KANSL2: variants seen among roughly 807,000 people sequenced by gnomAD.
The protein encoded by KANSL2 is NSL complex protein NSL2.
In KANSL2, 34 loss-of-function variants were observed where a neutral mutation model predicts 55.6. That is an observed-to-expected ratio of 0.61 (90% CI 0.46 to 0.81). The LOEUF (loss-of-function observed/expected upper bound fraction) is 0.81. Among genes scored for constraint, KANSL2 ranks in the 40% least tolerant of loss-of-function variants. The pLI is 0.00. For missense variants in KANSL2, 502 were observed against 609.9 expected (o/e 0.82, Z 1.86); for synonymous variants, 209 against 214.3 (o/e 0.98, Z 0.22).
intron 1 of KANSL2, 86 bp downstream of exon 1, chr12:48,682,101 G>A (rs776534668): frequency 1.4e-5 from 10 of 702,904 alleles, no homozygotes; most frequent in Non-Finnish European, 2.1e-5. Flanking sequence ...ACTGCTTTGA[G>A]GCGGAGTAGC....
intron 9 of KANSL2, 58 bp from the exon 10 acceptor site, chr12:48,654,233 T>C: frequency 1.3e-6 from 2 of 1,540,694 alleles, no homozygotes; most frequent in South Asian, 1.2e-5. Context: ...GTCTGAAGTA[T>C]GAATCTGACT....
In KANSL2 at chr12:48,681,526, G is replaced by C. The variant is rs1189441508; in HGVS notation, c.107C>G (p.Ser36Cys). The change falls in exon 2 of 10, where the codon TCT becomes TGT. Residue 36 changes from serine (S) to cysteine (C), a missense_variant. Transcript: ENST00000420613. ...CTCCTGCCCCTCCAGACGAGGGTGA[G>C]AGCATGGACGATGAGTGAATGCACA... Reference protein sequence around the residue: ...LSCAFTHRPCSHPRLEGQEFC... With the variant: ...LSCAFTHRPCCHPRLEGQEFC... 4.3e-6 allele frequency: 7 copies of C among 1,613,968 alleles called. No individual in the cohort carries two copies. Among genetic ancestry groups the C allele is most frequent in the Non-Finnish European group, 5.1e-6 (6 of 1,179,890 alleles).
chr12:48,679,639 G>A lies in KANSL2; in HGVS notation c.430+16C>T, dbSNP rs546862163. 6.2e-7 allele frequency: 1 copy of A among 1,607,704 alleles called. No homozygotes were observed. Among genetic ancestry groups the A allele is most frequent in the African/African-American group, 1.3e-5 (1 of 74,736 alleles). On this transcript the variant is annotated intron_variant, in intron 3 of 9. Coordinates refer to ENST00000420613, the MANE Select transcript of KANSL2 (RefSeq NM_017822.4). ...CTTTCTTCCTCCTTTTTCATTCCAGGAGAGAAGGTCCTTACCTAGTATTCG... is the reference window on the plus strand; with the variant it reads ...CTTTCTTCCTCCTTTTTCATTCCAGAAGAGAAGGTCCTTACCTAGTATTCG...
chr12:48,675,734 T>C (rs552166955), intron 4 of KANSL2, among the ~76,000 whole-genome samples: 6 of 152,336 alleles, frequency 3.9e-5, no homozygotes, highest in African/African-American at 1.2e-4. Context: ...GGCTGGTTCA[T>C]GTAACAGATG....
intron 7 of KANSL2, among the ~76,000 whole-genome samples, chr12:48,667,301 A>T (rs1191602285): frequency 6.6e-6 from 1 of 152,206 alleles, no homozygotes; most frequent in Admixed American, 6.5e-5. Flanking sequence ...AACCCACAGT[A>T]ATTTTTTAAG....
chr12:48,662,667 C>T, intron 7 of KANSL2: 8 of 1,284,818 alleles, frequency 6.2e-6, no homozygotes, highest in African/African-American at 1.5e-5. Flanking sequence ...GGGATAAGGA[C>T]TTAAGGAAGG....
chr12:48,678,954 T>C (rs1939872495), intron 4 of KANSL2, 82 bp downstream of exon 4: 4 of 956,452 alleles, frequency 4.2e-6, no homozygotes, highest in Non-Finnish European at 6.6e-6. Context: ...CCCTCCTAGG[T>C]TACTAATTTA....
rs1203264651 is a variant in KANSL2 at position 48,679,084 on chromosome 12, G to A, written c.497C>T (p.Pro166Leu). The change falls in exon 4 of 10, where the codon CCT (proline) becomes CTT (leucine). Residue 166 changes from proline (P) to leucine (L), a missense_variant. Physicochemically the swap from Pro to Leu is moderately conservative, Grantham distance 98 (BLOSUM62 -3). Transcript: ENST00000420613. ...ITVDQTWRGD[P>L]DSEADSIDSD... ...GTCTATGCTATCAGCTTCACTGTCA[G>A]GGTCACCTCTCCATGTCTGATCCAC... The A allele has an allele frequency of 2.5e-6, 4 of 1,613,846 alleles. No individual in the cohort carries two copies. Among genetic ancestry groups the A allele is most frequent in the African/African-American group, 2.7e-5 (2 of 75,016 alleles).
At chr12:48,680,000 G>A in intron 2 of KANSL2, 167 bp from the exon 3 acceptor site, 1 of 614,874 alleles carries the variant, frequency 1.6e-6, no homozygotes, top group East Asian at 2.9e-5. Context: ...CAACTCATTT[G>A]ACTTTATTAA....
chr12:48,674,728 C>A (rs915506439), intron 4 of KANSL2, among the ~76,000 whole-genome samples: 8 of 152,032 alleles, frequency 5.3e-5, no homozygotes, highest in African/African-American at 1.9e-4. Flanking sequence ...GAGTTCGAGA[C>A]CAGCCTGGCC....
intron 2 of KANSL2, among the ~76,000 whole-genome samples, chr12:48,680,228 T>G (rs938168251): frequency 3.9e-5 from 6 of 152,182 alleles, no homozygotes; most frequent in Non-Finnish European, 7.3e-5. Flanking sequence ...CCAGCAAATT[T>G]TTTTTAGTTT....
intron 7 of KANSL2, among the ~76,000 whole-genome samples, chr12:48,661,521 T>C (rs1443392371): frequency 1.3e-5 from 2 of 152,214 alleles, no homozygotes; most frequent in Non-Finnish European, 2.9e-5. Context: ...TAAACATTAT[T>C]TTAAAATTTG....
In KANSL2 at chr12:48,679,726, C is replaced by G; in HGVS notation, c.359G>C (p.Ser120Thr). 1 of 1,612,668 alleles carries G rather than the reference C, an allele frequency of 6.2e-7. No homozygotes were observed. Among genetic ancestry groups the G allele is most frequent in the Non-Finnish European group, 8.5e-7 (1 of 1,179,328 alleles). Residue 120 changes from serine to threonine, a missense_variant, in exon 3 of 10, where the codon AGC becomes ACC. Transcript: ENST00000420613. ...CCCCAGCTCTGTCTTAGCATATGAGCTCAGCTGGCACAGGAGTGTTTCACC... is the reference window on the plus strand; with the variant it reads ...CCCCAGCTCTGTCTTAGCATATGAGGTCAGCTGGCACAGGAGTGTTTCACC... ...PVGETLLCQL[S>T]SYAKTELGSQ...
Position 48,679,027 on chromosome 12 carries a change from A to G in KANSL2, c.545+9T>C, listed in dbSNP as rs202017745. ...CATTTCAAATGCCTTATGTGGAGTT[A>G]CAACTTACTTTAGGGGATCTTCTTG... On this transcript the variant is annotated intron_variant, in intron 4 of 9. Transcript: ENST00000420613. 1.1e-5 allele frequency: 17 copies of G among 1,590,030 alleles called. No homozygotes were observed. In the African/African-American group the frequency reaches 2.1e-4, roughly 20 times the overall value.
Position 48,663,057 on chromosome 12 carries a change from TTC to T in KANSL2, c.974-2440_974-2439del, listed in dbSNP as rs570227570. ...CTATCATTTTGCTGTCATTCATAAA[TTC>T]TGTTAAATATATTTAATGCCTGAAA... On this transcript the variant is annotated intron_variant, in intron 7 of 9. Coordinates refer to ENST00000420613, the MANE Select transcript of KANSL2 (RefSeq NM_017822.4). Among the ~76,000 whole-genome samples, 133 of 152,316 alleles carry T rather than the reference TTC, an allele frequency of 8.7e-4. 1 individual carries two copies. Among genetic ancestry groups the T allele is most frequent in the African/African-American group, 3.1e-3 (128 of 41,558 alleles).
chr12:48,663,237 C>T (rs1939521111), intron 7 of KANSL2, among the ~76,000 whole-genome samples: 1 of 152,066 alleles, frequency 6.6e-6, no homozygotes, highest in Non-Finnish European at 1.5e-5. Context: ...GTAAAAATTA[C>T]CATATGAGGA....
chr12:48,676,222 C>G (rs1466494019), intron 4 of KANSL2, among the ~76,000 whole-genome samples: 1 of 152,168 alleles, frequency 6.6e-6, no homozygotes, highest in Non-Finnish European at 1.5e-5. Context: ...CCTACTTGAG[C>G]CTCTCGAGTA....
chr12:48,668,204 C>T (rs74089364), intron 6 of KANSL2, among the ~76,000 whole-genome samples: 2,920 of 152,308 alleles, frequency 0.019, 97 homozygotes, highest in African/African-American at 0.067. Context: ...TCAATTGCTC[C>T]TATTCTACCT....
chr12:48,655,336 A>C (rs1275397282), intron 8 of KANSL2, among the ~76,000 whole-genome samples: 2 of 152,174 alleles, frequency 1.3e-5, no homozygotes, highest in African/African-American at 4.8e-5. Flanking sequence ...TGGGAGGCCA[A>C]GGTAGGCATA....
Sources: allele counts gnomAD v4.1 joint callset (sites outside exome capture counted in the v4.1 genomes callset), GRCh38; gene constraint gnomAD v4.1.1; transcripts MANE v1.5; gene names NCBI Gene and HGNC (gene_info 2026-07-23, HGNC 2026-07-21).